Variants in EPHA3 observed in about 807,000 individuals in gnomAD.
EPHA3 encodes EPH receptor A3.
A neutral mutation model predicts 107.1 loss-of-function variants in EPHA3; 42 were observed. That is an observed-to-expected ratio of 0.39 (90% CI 0.31 to 0.51). The LOEUF is 0.51. Ranked by LOEUF, EPHA3 falls within the 20% of genes least tolerant of loss-of-function variation. The pLI is 0.78. For missense variants in EPHA3, 1,183 were observed against 1,211.2 expected, an observed-to-expected ratio of 0.98 and a Z score of 0.35; for synonymous variants, 461 against 424.8, an observed-to-expected ratio of 1.09 and a Z score of -1.05.
In EPHA3 at chr3:89,290,983, C is replaced by T. The variant is rs116998688; in HGVS notation, c.815-49933C>T. Among the ~76,000 whole-genome samples the T allele has an allele frequency of 1.5e-3, 225 of 152,202 alleles. 1 individual carries two copies. Among genetic ancestry groups the T allele is most frequent in the East Asian group, 7.9e-3 (41 of 5,178 alleles). Reference sequence around the variant, plus strand: ...ATATTGAGTTGAGTGACAGATAGCTCGGTTTCTTCCCTGCCAGGCTCAAAT... The same window carrying T: ...ATATTGAGTTGAGTGACAGATAGCTTGGTTTCTTCCCTGCCAGGCTCAAAT... On this transcript the variant is annotated intron_variant, in intron 3 of 16. Coordinates refer to ENST00000336596, the MANE Select transcript of EPHA3 (RefSeq NM_005233.6).
At chr3:89,108,777 A>C (rs1707031613) in intron 1 of EPHA3, among the ~76,000 whole-genome samples, 1 of 152,196 alleles carries the variant, frequency 6.6e-6, no homozygotes, top group Non-Finnish European at 1.5e-5. Context: ...TATTCTTGTG[A>C]ATACAGTCAC....
chr3:89,367,778 A>G (rs1190554947), intron 5 of EPHA3, among the ~76,000 whole-genome samples: 2 of 150,626 alleles, frequency 1.3e-5, no homozygotes, highest in Non-Finnish European at 3.0e-5. Context: ...AAAATTTTTT[A>G]ATTCTGCAAG....
Position 89,352,902 on chromosome 3 carries a change from C to CAAAAAAAAAAAAAA in EPHA3, c.1306+10820_1306+10833dup, listed in dbSNP as rs1215369952. Among the ~76,000 whole-genome samples the CAAAAAAAAAAAAAA allele has an allele frequency of 6.6e-4, 27 of 40,998 alleles. 2 individuals carry two copies. Among genetic ancestry groups the CAAAAAAAAAAAAAA allele is most frequent in the African/African-American group, 2.6e-3 (26 of 10,178 alleles). 26.9% of individuals were successfully genotyped at this position (40,998 alleles called of 152,430 possible). A position where few individuals can be genotyped will look rare whatever the true frequency, so the allele number is the denominator to read the frequency against. On this transcript the variant is annotated intron_variant, in intron 5 of 16. Transcript: ENST00000336596. ...TGGGCGACAGAGCAAGACTCTGTCT[C>CAAAAAAAAAAAAAA]AAAAAAAAAAAAAAAAAAAAAGGAA... is the stretch of plus-strand genomic sequence containing the variant.
chr3:89,135,485 C>T (rs12490659), intron 2 of EPHA3, among the ~76,000 whole-genome samples: 19,026 of 151,980 alleles, frequency 0.13, 1,243 homozygotes, highest in Middle Eastern at 0.18. Context: ...TAAGAGCTTT[C>T]CCAAATAAGA....
chr3:89,417,618 G>A (rs1298035385), intron 10 of EPHA3, among the ~76,000 whole-genome samples: 1 of 151,154 alleles, frequency 6.6e-6, no homozygotes. Flanking sequence ...TATCTAAATG[G>A]CATATTCTTC....
chr3:89,448,318 A>C (rs1214930834), intron 13 of EPHA3, among the ~76,000 whole-genome samples: 1 of 152,126 alleles, frequency 6.6e-6, no homozygotes, highest in African/African-American at 2.4e-5. Flanking sequence ...TGTGCTAGAT[A>C]CCTATTTCGT....
intron 2 of EPHA3, among the ~76,000 whole-genome samples, chr3:89,136,956 A>G (rs1277068140): frequency 6.6e-6 from 1 of 151,930 alleles, no homozygotes; most frequent in Non-Finnish European, 1.5e-5. Context: ...TAACTTTGGC[A>G]CTAAGCTCTG....
At chr3:89,145,656 T>C (rs1704539898) in intron 2 of EPHA3, among the ~76,000 whole-genome samples, 1 of 151,836 alleles carries the variant, frequency 6.6e-6, no homozygotes, top group Non-Finnish European at 1.5e-5. Context: ...CTATTTCAAA[T>C]AATGTATTAA....
rs1405150877 is a variant in EPHA3, at chr3:89,262,654, G to C, written c.814+52134G>C. Reference sequence around the variant, plus strand: ...ACCCGGTCGCATGATGCGTGACAGGGGTGCCTTGTTTACTCAGCCCACCTC... The same window carrying C: ...ACCCGGTCGCATGATGCGTGACAGGCGTGCCTTGTTTACTCAGCCCACCTC... On this transcript the variant is annotated intron_variant, in intron 3 of 16. Coordinates refer to ENST00000336596, the MANE Select transcript of EPHA3 (RefSeq NM_005233.6). Among the ~76,000 whole-genome samples the C allele has an allele frequency of 2.0e-5, 3 of 152,252 alleles. No individual in the cohort carries two copies. In the East Asian group the frequency reaches 5.8e-4, roughly 29 times the overall value.
intron 3 of EPHA3, among the ~76,000 whole-genome samples, chr3:89,234,512 T>C (rs1704706689): frequency 2.6e-5 from 4 of 152,328 alleles, no homozygotes; most frequent in Admixed American, 1.3e-4. Context: ...GGTTAAAATT[T>C]GAAATCCACA....
chr3:89,139,296 C>G (rs1220949599), intron 2 of EPHA3, among the ~76,000 whole-genome samples: 1 of 151,850 alleles, frequency 6.6e-6, no homozygotes, highest in African/African-American at 2.4e-5. Flanking sequence ...CCGCACACTT[C>G]ATAGGTTTAC....
Position 89,360,519 on chromosome 3 carries a change from G to A in EPHA3, c.1306+18429G>A, listed in dbSNP as rs143445713. The stretch of plus-strand genomic sequence containing the variant: ...GTCAAAGCTGTTGGAGTCATTTGGC[G>A]CTTCTCTTTCTCTCAAACTGTATAT... On this transcript the variant is annotated intron_variant, in intron 5 of 16. Transcript: ENST00000336596. Among the ~76,000 whole-genome samples, 779 of 150,918 alleles carry A rather than the reference G, an allele frequency of 5.2e-3. 35 individuals are homozygous for A. The highest frequency in any genetic ancestry group is 8.7e-3 in the Non-Finnish European group (586 of 67,360).
intron 3 of EPHA3, among the ~76,000 whole-genome samples, chr3:89,229,618 A>C (rs1704581975): frequency 6.6e-6 from 1 of 151,588 alleles, no homozygotes; most frequent in South Asian, 2.1e-4. Context: ...GACAATTTGC[A>C]GGCTTAAAGC....
intron 16 of EPHA3, among the ~76,000 whole-genome samples, chr3:89,477,719 T>A (rs1710545819): frequency 1.3e-5 from 2 of 152,072 alleles, no homozygotes; most frequent in African/African-American, 4.8e-5. Context: ...TACGCCCTGG[T>A]CATCTTTACC....
intron 3 of EPHA3, among the ~76,000 whole-genome samples, chr3:89,340,687 A>C (rs1180529217): frequency 6.6e-6 from 1 of 152,212 alleles, no homozygotes; most frequent in African/African-American, 2.4e-5. Flanking sequence ...ACTAGTGCCA[A>C]AATAATCTAA....
At chr3:89,274,600 G>A (rs994202127) in intron 3 of EPHA3, among the ~76,000 whole-genome samples, 6 of 151,972 alleles carry the variant, frequency 3.9e-5, no homozygotes, top group Non-Finnish European at 8.8e-5. Flanking sequence ...ATGTTTAAAA[G>A]AGATATCGGT....
At chr3:89,161,413 C>T (rs1471818572) in intron 2 of EPHA3, among the ~76,000 whole-genome samples, 3 of 152,036 alleles carry the variant, frequency 2.0e-5, no homozygotes. Flanking sequence ...AAATATAACA[C>T]CTGCTTTTAT....
At chr3:89,178,404 T>G (rs1196265945) in intron 2 of EPHA3, among the ~76,000 whole-genome samples, 2 of 152,086 alleles carry the variant, frequency 1.3e-5, no homozygotes, top group Non-Finnish European at 2.9e-5. Context: ...TAATTACACA[T>G]ACATTATTGT....
intron 5 of EPHA3, among the ~76,000 whole-genome samples, chr3:89,390,048 G>T (rs1708693205): frequency 6.6e-6 from 1 of 151,974 alleles, no homozygotes; most frequent in Admixed American, 6.6e-5. Context: ...CTGAAGTGTG[G>T]TGGTGTCATC....
Sources: gnomAD v4.1 joint callset for allele counts (sites outside exome capture counted in the v4.1 genomes callset) on GRCh38, gnomAD v4.1.1 for gene constraint, MANE v1.5 for transcripts, NCBI Gene and HGNC (gene_info 2026-07-23, HGNC 2026-07-21) for gene names.